Variants in TLR6 observed in about 807,000 individuals in gnomAD.
TLR6 encodes the protein toll-like receptor 6.
TLR6 carries 9 observed loss-of-function variants against 16.1 expected under a neutral mutation model. The observed-to-expected ratio is 0.56, with a 90% confidence interval of 0.34 to 0.98. The LOEUF (loss-of-function observed/expected upper bound fraction) is 0.98, where lower values mean the gene tolerates loss of function less well. Ranked by LOEUF, TLR6 falls within the 50% of genes least tolerant of loss-of-function variation. The pLI is 0.02. For missense variants in TLR6, 786 were observed against 921.0 expected, an observed-to-expected ratio of 0.85 and a Z score of 1.90; for synonymous variants, 340 against 338.6, an observed-to-expected ratio of 1.00 and a Z score of -0.04.
At chr4:38,855,051 A>T (rs1712923279) in intron 1 of TLR6, among the ~76,000 whole-genome samples, 1 of 152,034 alleles carries the variant, frequency 6.6e-6, no homozygotes, top group Non-Finnish European at 1.5e-5. Flanking sequence ...ACTAAAAAAA[A>T]ATACAAAAAA....
intron 1 of TLR6, among the ~76,000 whole-genome samples, chr4:38,850,193 C>A (rs1403908810): frequency 6.6e-6 from 1 of 152,174 alleles, no homozygotes; most frequent in African/African-American, 2.4e-5. Flanking sequence ...AGGACAAAGA[C>A]ACAACATACC....
At chr4:38,830,366 A>G (rs1449449116) in intron 1 of TLR6, among the ~76,000 whole-genome samples, 1 of 152,262 alleles carries the variant, frequency 6.6e-6, no homozygotes, top group Non-Finnish European at 1.5e-5. Context: ...TATAAAAATT[A>G]TTTAGAAAAG....
intron 1 of TLR6, among the ~76,000 whole-genome samples, chr4:38,848,579 C>T (rs1003479189): frequency 6.6e-6 from 1 of 152,154 alleles, no homozygotes; most frequent in East Asian, 1.9e-4. Context: ...TAGAGAAGTC[C>T]TTAAAGGACC....
At chr4:38,858,825 G>A (rs1329207470), upstream of TLR6, among the ~76,000 whole-genome samples, 26 of 105,428 alleles carry the variant, frequency 2.5e-4, no homozygotes, top group East Asian at 3.2e-3. Flanking sequence ...GAGAGAGAGA[G>A]AGAGAGGAAG....
chr4:38,836,875 G>A (rs1579247325), intron 1 of TLR6, among the ~76,000 whole-genome samples: 1 of 151,902 alleles, frequency 6.6e-6, no homozygotes, highest in Non-Finnish European at 1.5e-5. Context: ...GGGAGGCAGA[G>A]GTTGTAGTGA....
exon 2 of TLR6, chr4:38,829,296 A>T (rs752337405): frequency 6.2e-7 from 1 of 1,614,108 alleles, no homozygotes; most frequent in Non-Finnish European, 8.5e-7. Flanking sequence ...TAGTTCTGAG[A>T]CATATCTAAG....
At chr4:38,822,941 T>G (rs1212819365), downstream of TLR6, among the ~76,000 whole-genome samples, 1 of 152,214 alleles carries the variant, frequency 6.6e-6, no homozygotes, top group South Asian at 2.1e-4. Context: ...TCCACAGAGC[T>G]GGGGAAGCCT....
intron 1 of TLR6, among the ~76,000 whole-genome samples, chr4:38,836,085 A>G (rs902937862): frequency 6.6e-6 from 1 of 152,162 alleles, no homozygotes; most frequent in Non-Finnish European, 1.5e-5. Context: ...TAGAAAAGCA[A>G]GAACAAACAC....
the TLR6 span, among the ~76,000 whole-genome samples, chr4:38,863,036 A>T: frequency 6.7e-6 from 1 of 150,164 alleles, no homozygotes; most frequent in Non-Finnish European, 1.5e-5. Flanking sequence ...GACTATCTCT[A>T]ATTGTTCTCC....
the TLR6 span, among the ~76,000 whole-genome samples, chr4:38,862,283 A>AT: frequency 0.27 from 41,377 of 151,168 alleles, 6,039 homozygotes; most frequent in Non-Finnish European, 0.31. Context: ...TTCCAATCAC[A>AT]TTTTTTTTTA....
chr4:38,837,132 ATTAACATTGTTAAAATGACC>A, intron 1 of TLR6, among the ~76,000 whole-genome samples: 1 of 152,184 alleles, frequency 6.6e-6, no homozygotes, highest in East Asian at 1.9e-4. Context: ...GACTGGAAGA[ATTAACATTGTTAAAATGACC>A]ACACTACTCA....
chr4:38,866,284 G>T, the TLR6 span, among the ~76,000 whole-genome samples: 1 of 151,126 alleles, frequency 6.6e-6, no homozygotes, highest in Non-Finnish European at 1.5e-5. Context: ...CTGAGGTCAG[G>T]AGTTCGAGAC....
At chr4:38,865,361 G>T in the TLR6 span, among the ~76,000 whole-genome samples, 1 of 152,186 alleles carries the variant, frequency 6.6e-6, no homozygotes, top group African/African-American at 2.4e-5. Flanking sequence ...GCAGCTACAT[G>T]AGTAAAAGGG....
intron 1 of TLR6, among the ~76,000 whole-genome samples, chr4:38,853,267 T>C (rs1167336429): frequency 6.8e-6 from 1 of 147,646 alleles, no homozygotes; most frequent in Non-Finnish European, 1.5e-5. Flanking sequence ...CATTAGGAGA[T>C]ATACGTAATG....
intron 1 of TLR6, among the ~76,000 whole-genome samples, chr4:38,855,949 G>A (rs186231217): frequency 0.015 from 2,200 of 151,114 alleles, 42 homozygotes; most frequent in East Asian, 0.066. Flanking sequence ...CTACATTTCA[G>A]AAAAAAAGGG....
chr4:38,866,282 A>G, the TLR6 span, among the ~76,000 whole-genome samples: 3 of 151,356 alleles, frequency 2.0e-5, no homozygotes, highest in African/African-American at 4.9e-5. Flanking sequence ...ACCTGAGGTC[A>G]GGAGTTCGAG....
At chr4:38,827,465 T>C (rs751647315) in exon 2 of TLR6, 4 of 1,614,224 alleles carry the variant, frequency 2.5e-6, no homozygotes, top group Admixed American at 1.7e-5. Flanking sequence ...AAGACAAATC[T>C]GTATATCTTC....
exon 2 of TLR6, chr4:38,826,884 C>T (rs1394671364): frequency 2.0e-6 from 1 of 499,854 alleles, no homozygotes; most frequent in Non-Finnish European, 3.5e-6. Context: ...ATGATTAAAC[C>T]AGAAGAGACT....
At chr4:38,831,331 C>T (rs1039087188) in intron 1 of TLR6, among the ~76,000 whole-genome samples, 11 of 150,078 alleles carry the variant, frequency 7.3e-5, no homozygotes, top group East Asian at 5.8e-4. Context: ...AGAATTTAGA[C>T]GCAGACCTTA....
Sources: allele counts gnomAD v4.1 joint callset (sites outside exome capture counted in the v4.1 genomes callset), GRCh38; gene constraint gnomAD v4.1.1; transcripts MANE v1.5; gene names NCBI Gene and HGNC (gene_info 2026-07-23, HGNC 2026-07-21).